The following ACAP3 variants were observed in gnomAD, a reference collection of about 807,000 sequenced individuals.
ACAP3 encodes ArfGAP with coiled-coil, ankyrin repeat and PH domains 3, also known as arf-GAP with coiled-coil, ANK repeat and PH domain-containing protein 3.
In ACAP3, 56 loss-of-function variants were observed where a neutral mutation model predicts 104.1. The observed-to-expected ratio is 0.54, with a 90% CI of 0.43 to 0.67. The LOEUF is 0.67. Among genes scored for constraint, ACAP3 ranks in the 30% least tolerant of loss-of-function variants. The pLI is 0.00. For synonymous variants in ACAP3, 628 were observed against 496.2 expected (o/e 1.27, Z -3.53); for missense variants, 1,208 against 1,174.9 (o/e 1.03, Z -0.41).
intron 19 of ACAP3, 109 bp from the exon 20 acceptor site, chr1:1,294,925 A>G: frequency 8.9e-7 from 1 of 1,119,744 alleles, no homozygotes; most frequent in Non-Finnish European, 1.3e-6. Context: ...ACCCCTAGGG[A>G]CAGGACCAGC....
In ACAP3 at chr1:1,303,659, T is replaced by G; in HGVS notation, c.106-378A>C. 2.8e-6 allele frequency: 1 copy of G among 358,794 alleles called. No individual in the cohort carries two copies. Among genetic ancestry groups the G allele is most frequent in the Non-Finnish European group, 4.9e-6 (1 of 202,652 alleles). The allele number at this position is 358,794 out of a possible 1,614,324, so 22.2% of individuals were successfully genotyped here. ...GGGGCTCATGGACACGGCTCCCCTCTCCACGGCCTGTTGCCCCCTCTTTCT... is the reference window on the plus strand; with the variant it reads ...GGGGCTCATGGACACGGCTCCCCTCGCCACGGCCTGTTGCCCCCTCTTTCT... On this transcript the variant is annotated intron_variant, in intron 2 of 23. Coordinates refer to ENST00000354700, the MANE Select transcript of ACAP3 (RefSeq NM_030649.3). The surrounding 1 kb of genome is among the most constrained non-coding windows in gnomAD (Gnocchi z 4.0).
chr1:1,299,778 C>T (rs576616616), intron 9 of ACAP3, 53 bp downstream of exon 9: 13 of 1,510,280 alleles, frequency 8.6e-6, no homozygotes, highest in East Asian at 4.9e-5. Context: ...GGGGTGAGGA[C>T]GCAGGGGCCT....
At chr1:1,298,163 G>A (rs375412987) in intron 12 of ACAP3, 50 bp from the exon 13 acceptor site, 18 of 1,568,522 alleles carry the variant, frequency 1.1e-5, no homozygotes, top group Admixed American at 1.9e-5. Context: ...ACCCGGCCCC[G>A]ACCACCCACT....
Position 1,297,891 on chromosome 1 carries a change from G to A in ACAP3, c.1059C>T (p.Ala353=), listed in dbSNP as rs77687980. The A allele has an allele frequency of 4.3e-5, 69 of 1,612,120 alleles. No individual in the cohort carries two copies. The East Asian group carries it at 1.4e-3, about 33-fold the overall frequency. ...TGCTGGCCTGCACAGCCTGGACCCA[G>A]GCTTGCCGCAGCTTCTCGGAGTCAG... ...LQADSEKLRQ[A]WVQAVQASIA... Residue 353 remains alanine (A), a synonymous_variant, in exon 14 of 24, where the codon GCC becomes GCT. Transcript: ENST00000354700.
chr1:1,296,489 C>A lies in ACAP3; in HGVS notation c.1273G>T (p.Asp425Tyr), dbSNP rs1452043213. ...AGGTTGATGCTGGCCCAGCGGGGGT[C>A]CGGCTGGCCGCAGTCGCCGCACTGG... ...NSQCGDCGQP[D>Y]PRWASINLGV... The change falls in exon 15 of 24, where the codon GAC becomes TAC. Residue 425 changes from aspartate (D) to tyrosine (Y), a missense_variant. Physicochemically the swap from Asp to Tyr is radical, Grantham distance 160. Transcript: ENST00000354700. The A allele has an allele frequency of 1.3e-6, 2 of 1,543,476 alleles. No homozygotes were observed. Among genetic ancestry groups the A allele is most frequent in the Admixed American group, 2.0e-5 (1 of 51,032 alleles).
intron 19 of ACAP3, 133 bp from the exon 20 acceptor site, chr1:1,294,949 C>A: frequency 1.3e-6 from 1 of 799,000 alleles, no homozygotes; most frequent in Non-Finnish European, 2.0e-6. Flanking sequence ...CACCCAGGGC[C>A]GGGGGGAGCC....
Position 1,303,376 on chromosome 1 carries a change from T to C in ACAP3, c.106-95A>G. On this transcript the variant is annotated intron_variant, in intron 2 of 23. Coordinates refer to ENST00000354700, the MANE Select transcript of ACAP3 (RefSeq NM_030649.3). The surrounding 1 kb of genome is among the most constrained non-coding windows in gnomAD (Gnocchi z 4.0). ...TCAGAGGCAGGAAGAGCTCCCAGGG[T>C]AGGTTCCACTCAGGGCGTTGGCACT... The C allele has an allele frequency of 6.7e-7, 1 of 1,497,582 alleles. No individual in the cohort carries two copies. Among genetic ancestry groups the C allele is most frequent in the Non-Finnish European group, 8.9e-7 (1 of 1,118,680 alleles). The allele number at this position is 1,497,582 out of a possible 1,614,324, so 92.8% of individuals were successfully genotyped here.
chr1:1,307,468 GGGAGGGGCTCAGCCCAGT>G, intron 1 of ACAP3: 1 of 1,289,856 alleles, frequency 7.8e-7, no homozygotes. Flanking sequence ...TGCAGGGCCC[GGGAGGGGCTCAGCCCAGT>G]GGAGGTGCAG....
Position 1,300,113 on chromosome 1 carries a change from C to A in ACAP3, c.567+45G>T, listed in dbSNP as rs533581990. On this transcript the variant is annotated intron_variant, in intron 7 of 23. Transcript: ENST00000354700. ...GAGGCCCAAGCACACCCGGTCCAGC[C>A]CCCAACATGCAGCCTGTGCTCAGGG... The A allele has an allele frequency of 2.9e-5, 47 of 1,607,652 alleles. No homozygotes were observed. The South Asian group carries it at 4.9e-4, about 17-fold the overall frequency.
chr1:1,294,688 G>C (rs1283150159), intron 20 of ACAP3, 30 bp downstream of exon 20: 1 of 1,547,260 alleles, frequency 6.5e-7, no homozygotes, highest in Admixed American at 2.0e-5. Context: ...GCTGGGCAGG[G>C]GCCTCGGGCG....
At chr1:1,295,984 C>A (rs1243881563) in intron 17 of ACAP3, 31 bp downstream of exon 17, 1 of 1,612,624 alleles carries the variant, frequency 6.2e-7, no homozygotes, top group African/African-American at 1.3e-5. Context: ...GCTGGGGCTC[C>A]CTGACTGATC....
At position 1,293,831 on chromosome 1, in the gene ACAP3, G is replaced by A. The variant is rs149011747; in HGVS notation, c.2352C>T (p.Ile784=). Residue 784 remains isoleucine (I), a synonymous_variant, in exon 23 of 24, where the codon ATC becomes ATT. Coordinates refer to ENST00000354700, the MANE Select transcript of ACAP3 (RefSeq NM_030649.3). The part of the protein sequence containing the change: ...AIAVQAANAD[I]VTLLRLARMA... ...GGCCCGGCCGCGCTCACAGTGTCACGATGTCAGCGTTGGCCGCCTGCACTG... is the reference window on the plus strand; with the variant it reads ...GGCCCGGCCGCGCTCACAGTGTCACAATGTCAGCGTTGGCCGCCTGCACTG... 79 of 1,497,446 alleles carry A rather than the reference G, an allele frequency of 5.3e-5. No individual in the cohort carries two copies. Among genetic ancestry groups the A allele is most frequent in the East Asian group, 8.7e-5 (3 of 34,494 alleles). The allele number at this position is 1,497,446 out of a possible 1,614,324, so 92.8% of individuals were successfully genotyped here.
intron 21 of ACAP3, 70 bp downstream of exon 21, chr1:1,294,332 T>C: frequency 6.6e-7 from 1 of 1,519,476 alleles, no homozygotes; most frequent in Non-Finnish European, 8.9e-7. Flanking sequence ...GACCCTTGTG[T>C]GGGCGCCACA....
intron 4 of ACAP3, among the ~76,000 whole-genome samples, chr1:1,302,332 G>A (rs1641479870): frequency 6.6e-6 from 1 of 152,160 alleles, no homozygotes; most frequent in Admixed American, 6.5e-5. Context: ...ACTGCCTCCT[G>A]GCCCTGGGCG....
Position 1,303,330 on chromosome 1 carries a change from C to G in ACAP3, c.106-49G>C. 1.3e-6 allele frequency: 2 copies of G among 1,543,174 alleles called. No individual in the cohort carries two copies. Among genetic ancestry groups the G allele is most frequent in the Non-Finnish European group, 8.7e-7 (1 of 1,142,954 alleles). On this transcript the variant is annotated intron_variant, in intron 2 of 23. Transcript: ENST00000354700. This position sits in a 1 kb window ranked among gnomAD's most constrained non-coding sequence, Gnocchi z 4.0. ...AGCACAGTGGGCACTGGCGCCTGCA[C>G]TCGCCACCACACACGGCCACTCAGA...
chr1:1,301,783 G>T, intron 5 of ACAP3: 1 of 428,664 alleles, frequency 2.3e-6, no homozygotes. Context: ...TGCTGTGGGG[G>T]CTGGACACCC....
At chr1:1,304,747 C>T (rs1484476307) in intron 1 of ACAP3, 1 of 153,708 alleles carries the variant, frequency 6.5e-6, no homozygotes, top group Non-Finnish European at 1.4e-5. Context: ...GAGCCCACTC[C>T]CACCAGGACA....
rs1366927511 is a variant in ACAP3, at chr1:1,298,043, C to T, written c.986G>A (p.Arg329Lys). The T allele has an allele frequency of 6.2e-7, 1 of 1,611,692 alleles. No homozygotes were observed. Among genetic ancestry groups the T allele is most frequent in the East Asian group, 2.2e-5 (1 of 44,846 alleles). Residue 329 changes from arginine (R) to lysine (K), a missense_variant, in exon 13 of 24, where the codon AGG becomes AAG. Coordinates refer to ENST00000354700, the MANE Select transcript of ACAP3 (RefSeq NM_030649.3). ...GGGTGACAGCACCTCGAAGCAGAAC[C>T]TCCGCTCGATGTCCTCACACGGCTT... ...SVKPCEDIER[R>K]FCFEVLSPTK...
chr1:1,300,057 G>A lies in ACAP3; in HGVS notation c.579C>T (p.Phe193=), dbSNP rs769631697. 6.2e-7 allele frequency: 1 copy of A among 1,612,490 alleles called. No individual in the cohort carries two copies. The highest frequency in any genetic ancestry group is 1.1e-5 in the South Asian group (1 of 91,066). Reference sequence around the variant, plus strand: ...GGAAGAAGCTGGACTGGGCGTGCATGAAGGACAGCATCTGCGGGGGCAGCA... The same window carrying A: ...GGAAGAAGCTGGACTGGGCGTGCATAAAGGACAGCATCTGCGGGGGCAGCA... ...KFEILDSMLS[F]MHAQSSFFQQ... Residue 193 remains phenylalanine (F), a synonymous_variant, in exon 8 of 24, where the codon TTC becomes TTT. Coordinates refer to ENST00000354700, the MANE Select transcript of ACAP3 (RefSeq NM_030649.3).
Sources: gnomAD v4.1 joint callset for allele counts (sites outside exome capture counted in the v4.1 genomes callset) on GRCh38, gnomAD v4.1.1 for gene constraint, Gnocchi (gnomAD v3.1) non-coding constraint, MANE v1.5 for transcripts, NCBI Gene and HGNC (gene_info 2026-07-23, HGNC 2026-07-21) for gene names.